The following SRC variants were observed in gnomAD, a reference collection of about 807,000 sequenced individuals.
The protein encoded by SRC is SRC proto-oncogene, non-receptor tyrosine kinase.
A neutral mutation model predicts 62.9 loss-of-function variants in SRC; 13 were observed. The observed-to-expected ratio is 0.21, with a 90% CI of 0.13 to 0.33. The LOEUF is 0.33. Ranked by LOEUF, SRC falls within the 10% of genes least tolerant of loss-of-function variation. The probability of loss-of-function intolerance (pLI) is 1.00; values close to 1 mark genes in which losing one functional copy is unlikely to be tolerated. For missense variants in SRC, 457 were observed against 737.3 expected, an observed-to-expected ratio of 0.62 and a Z score of 4.40; for synonymous variants, 302 against 317.5, an observed-to-expected ratio of 0.95 and a Z score of 0.52.
At chr20:37,358,217 C>T (rs1276824891) in intron 1 of SRC, among the ~76,000 whole-genome samples, 1 of 152,178 alleles carries the variant, frequency 6.6e-6, no homozygotes, top group African/African-American at 2.4e-5. Context: ...CCTGCATACG[C>T]CATGTGTTCA....
intron 1 of SRC, among the ~76,000 whole-genome samples, chr20:37,360,061 T>G (rs930647911): frequency 2.0e-5 from 3 of 151,982 alleles, no homozygotes; most frequent in African/African-American, 7.3e-5. Context: ...CATCCTATCT[T>G]GTGTCATTTT....
chr20:37,371,946 C>A (rs1378466257), intron 2 of SRC, among the ~76,000 whole-genome samples: 1 of 152,092 alleles, frequency 6.6e-6, no homozygotes, highest in African/African-American at 2.4e-5. Flanking sequence ...CCAATCCGCC[C>A]CCCCTTGGTC....
intron 2 of SRC, among the ~76,000 whole-genome samples, chr20:37,372,353 C>T (rs1350046087): frequency 6.6e-6 from 1 of 152,196 alleles, no homozygotes; most frequent in Non-Finnish European, 1.5e-5. Context: ...TCTTTTACCA[C>T]ATCCATATAT....
intron 1 of SRC, among the ~76,000 whole-genome samples, chr20:37,346,686 G>A (rs1023725280): frequency 6.6e-6 from 1 of 152,016 alleles, no homozygotes; most frequent in Non-Finnish European, 1.5e-5. Context: ...TGGGGGGATC[G>A]GCAGGGCGGG....
In SRC at chr20:37,400,200, G is replaced by A. The variant is rs747257425; in HGVS notation, c.945G>A (p.Gln315=). Residue 315 remains glutamine, a synonymous_variant, in exon 10 of 14, where the codon CAG becomes CAA. Coordinates refer to ENST00000373578, the MANE Select transcript of SRC (RefSeq NM_198291.3). The part of the protein sequence containing the change: ...MSPEAFLQEA[Q]VMKKLRHEKL... ...CAGAGGCCTTCCTGCAGGAGGCCCAGGTCATGAAGAAGCTGAGGCATGAGA... is the reference window on the plus strand; with the variant it reads ...CAGAGGCCTTCCTGCAGGAGGCCCAAGTCATGAAGAAGCTGAGGCATGAGA... 4 of 1,614,140 alleles carry A rather than the reference G, an allele frequency of 2.5e-6. No individual in the cohort carries two copies. In the East Asian group the frequency reaches 8.9e-5, roughly 36 times the overall value.
intron 2 of SRC, among the ~76,000 whole-genome samples, chr20:37,372,962 G>T (rs1472134497): frequency 6.6e-6 from 1 of 151,880 alleles, no homozygotes; most frequent in Non-Finnish European, 1.5e-5. Flanking sequence ...TCATGTTTAG[G>T]AATGCTTTCC....
intron 1 of SRC, among the ~76,000 whole-genome samples, chr20:37,348,179 C>G (rs2069750589): frequency 6.6e-6 from 1 of 152,230 alleles, no homozygotes; most frequent in African/African-American, 2.4e-5. Flanking sequence ...TTAGGCCCCT[C>G]TCTTCTAGGA....
At chr20:37,401,564 A>G (rs746487499) in intron 10 of SRC, 38 bp from the exon 11 acceptor site, 1 of 1,540,480 alleles carries the variant, frequency 6.5e-7, no homozygotes, top group Non-Finnish European at 8.9e-7. Context: ...TGGCAGAGGG[A>G]CAGGGCAGGA....
At chr20:37,358,141 G>T (rs1409129895) in intron 1 of SRC, among the ~76,000 whole-genome samples, 1 of 152,224 alleles carries the variant, frequency 6.6e-6, no homozygotes, top group East Asian at 1.9e-4. Flanking sequence ...GCACAGTAAC[G>T]GTCCCTACCC....
At position 37,404,882 on chromosome 20, in the gene SRC, GTGTA is replaced by G. The variant is rs1293387834; in HGVS notation, c.*1507_*1510del. On this transcript the variant is annotated 3_prime_UTR_variant, in exon 14 of 14. Transcript: ENST00000373578. ...CATCTTGCCAAGGGTCCCTGTGTGT[GTGTA>G]TGTGTGTGCATGTGTGCGTGTCTCC... 5 of 233,740 alleles carry G rather than the reference GTGTA, an allele frequency of 2.1e-5. No homozygotes were observed. The highest frequency in any genetic ancestry group is 3.4e-5 in the Non-Finnish European group (4 of 118,194). 14.5% of individuals were successfully genotyped at this position (233,740 alleles called of 1,614,324 possible).
At chr20:37,382,424 C>T (rs1180772905) in intron 2 of SRC, among the ~76,000 whole-genome samples, 195 bp from the exon 3 acceptor site, 1 of 152,176 alleles carries the variant, frequency 6.6e-6, no homozygotes, top group African/African-American at 2.4e-5. Context: ...TACCCTGTCT[C>T]GCTCTTGCTT....
At position 37,398,074 on chromosome 20, in the gene SRC, C is replaced by G. The variant is rs943597210; in HGVS notation, c.859+220C>G. Among the ~76,000 whole-genome samples, 17 of 152,208 alleles carry G rather than the reference C, an allele frequency of 1.1e-4. No individual in the cohort carries two copies. Among genetic ancestry groups the G allele is most frequent in the African/African-American group, 3.9e-4 (16 of 41,438 alleles). On this transcript the variant is annotated intron_variant, in intron 9 of 13. Transcript: ENST00000373578. This position sits in a 1 kb window ranked among gnomAD's most constrained non-coding sequence, Gnocchi z 5.2. ...AACCATAGTGCCTGATTCCAAGATC[C>G]GCACAGGGCTGGGCATTGCACAGAC...
intron 1 of SRC, among the ~76,000 whole-genome samples, chr20:37,357,354 G>A (rs368067199): frequency 6.6e-6 from 1 of 152,092 alleles, no homozygotes; most frequent in South Asian, 2.1e-4. Flanking sequence ...CTCTTCTCTG[G>A]GCCACCTTCT....
In SRC at chr20:37,405,999, G is replaced by A. The variant is rs2070821578; in HGVS notation, c.*2620G>A. On this transcript the variant is annotated 3_prime_UTR_variant, in exon 14 of 14. Coordinates refer to ENST00000373578, the MANE Select transcript of SRC (RefSeq NM_198291.3). ...TCAGATCACACACCTGTGCACCGGA[G>A]TCAACTCTGGCCACGACATTGCTTA... is the stretch of plus-strand genomic sequence containing the variant. 6.6e-6 allele frequency: 1 copy of A among 152,234 alleles called. No homozygotes were observed. The highest frequency in any genetic ancestry group is 2.4e-5 in the African/African-American group (1 of 41,424). 9.4% of individuals were successfully genotyped at this position (152,234 alleles called of 1,614,324 possible). A position where few individuals can be genotyped will look rare whatever the true frequency, so the allele number is the denominator to read the frequency against.
At chr20:37,362,071 T>C (rs1010607421) in intron 1 of SRC, among the ~76,000 whole-genome samples, 2 of 152,098 alleles carry the variant, frequency 1.3e-5, no homozygotes, top group Non-Finnish European at 2.9e-5. Context: ...ATTTATTTTT[T>C]TGAGACAAGG....
chr20:37,361,792 T>G (rs2069975197), intron 1 of SRC, among the ~76,000 whole-genome samples: 1 of 139,296 alleles, frequency 7.2e-6, no homozygotes, highest in Non-Finnish European at 1.6e-5. Flanking sequence ...AGGGCCTCTG[T>G]GTGCAGGTAG....
intron 1 of SRC, among the ~76,000 whole-genome samples, chr20:37,357,108 TG>T (rs943364820): frequency 9.2e-5 from 14 of 152,304 alleles, no homozygotes; most frequent in African/African-American, 3.4e-4. Flanking sequence ...CGGTCTACCC[TG>T]GGCTCTCAGC....
At chr20:37,360,898 G>A (rs1404397196) in intron 1 of SRC, among the ~76,000 whole-genome samples, 3 of 152,224 alleles carry the variant, frequency 2.0e-5, no homozygotes, top group Non-Finnish European at 1.5e-5. Flanking sequence ...GGCACAGAGA[G>A]GTGGAGTAAC....
chr20:37,392,737 G>A (rs2070572373), intron 5 of SRC, among the ~76,000 whole-genome samples: 1 of 151,962 alleles, frequency 6.6e-6, no homozygotes. Flanking sequence ...TAGTTCCCAG[G>A]TCTCCCTGCC....
Sources: gnomAD v4.1 joint callset for allele counts (sites outside exome capture counted in the v4.1 genomes callset) on GRCh38, gnomAD v4.1.1 for gene constraint, Gnocchi (gnomAD v3.1) non-coding constraint, MANE v1.5 for transcripts, NCBI Gene and HGNC (gene_info 2026-07-23, HGNC 2026-07-21) for gene names.